The following UPP2 variants were observed in gnomAD, a reference collection of about 807,000 sequenced individuals.
UPP2 encodes the protein UPase 2.
A neutral mutation model predicts 26.7 loss-of-function variants in UPP2; 23 were observed. That is an observed-to-expected ratio of 0.86 (90% confidence interval 0.62 to 1.22). UPP2 has a LOEUF of 1.22. Among genes scored for constraint, UPP2 ranks in the 50% most tolerant of loss-of-function variants. The pLI is 0.00. For missense variants in UPP2, 387 were observed against 396.7 expected, an observed-to-expected ratio of 0.98 and a Z score of 0.21; for synonymous variants, 127 against 141.3, an observed-to-expected ratio of 0.90 and a Z score of 0.72.
intron 3 of UPP2, among the ~76,000 whole-genome samples, chr2:158,061,789 T>C (rs938320855): frequency 6.6e-6 from 1 of 152,260 alleles, no homozygotes; most frequent in Non-Finnish European, 1.5e-5. Flanking sequence ...GTCTGGCCCT[T>C]GGCCTATGTG....
chr2:158,080,798 G>T (rs1386789516), intron 3 of UPP2, among the ~76,000 whole-genome samples: 3 of 152,170 alleles, frequency 2.0e-5, no homozygotes, highest in African/African-American at 7.2e-5. Context: ...TTAAGACAAA[G>T]TAGGGGAGGA....
intron 2 of UPP2, among the ~76,000 whole-genome samples, chr2:158,011,311 G>GACTCT (rs1256556536): frequency 1.1e-4 from 16 of 152,192 alleles, no homozygotes; most frequent in Non-Finnish European, 2.2e-4. Flanking sequence ...CTGACACAGG[G>GACTCT]TTCTGAATGC....
intron 2 of UPP2, among the ~76,000 whole-genome samples, chr2:158,114,530 A>T (rs148409919): frequency 6.6e-6 from 1 of 152,374 alleles, no homozygotes; most frequent in South Asian, 2.1e-4. Context: ...TGCCACAGGG[A>T]GATCCCACAT....
chr2:158,106,582 A>G (rs985972703), intron 2 of UPP2, among the ~76,000 whole-genome samples: 36 of 152,296 alleles, frequency 2.4e-4, no homozygotes, highest in Admixed American at 7.8e-4. Flanking sequence ...TCGTTTTATT[A>G]ACTCATAAAA....
chr2:158,049,071 C>A (rs1187311479), intron 3 of UPP2, among the ~76,000 whole-genome samples: 2 of 152,142 alleles, frequency 1.3e-5, no homozygotes, highest in Non-Finnish European at 2.9e-5. Context: ...ATTCCGCTTG[C>A]CCACCCCTCA....
chr2:158,100,024 C>A (rs1220353731), upstream of UPP2, among the ~76,000 whole-genome samples: 2 of 152,192 alleles, frequency 1.3e-5, no homozygotes, highest in Non-Finnish European at 2.9e-5. Context: ...TTCCCCTGCT[C>A]TTCAGGTGAC....
chr2:158,068,644 T>G (rs1682475963), intron 3 of UPP2, among the ~76,000 whole-genome samples: 1 of 150,962 alleles, frequency 6.6e-6, no homozygotes, highest in Non-Finnish European at 1.5e-5. Context: ...CACGCTCAGA[T>G]GCTTGTGTGG....
intron 3 of UPP2, among the ~76,000 whole-genome samples, chr2:158,027,496 T>C (rs1394602731): frequency 6.6e-6 from 1 of 152,204 alleles, no homozygotes; most frequent in East Asian, 1.9e-4. Context: ...TCCACCCCTA[T>C]GGCTTTGTAG....
rs765153629 is a variant in UPP2, at chr2:158,123,817, G to C, written c.733G>C (p.Ala245Pro). 12 of 1,614,068 alleles carry C rather than the reference G, an allele frequency of 7.4e-6. No individual in the cohort carries two copies. The highest frequency in any genetic ancestry group is 1.0e-5 in the Non-Finnish European group (12 of 1,179,940). The change falls in exon 6 of 7, where the codon GCA becomes CCA. Residue 245 changes from alanine to proline, a missense_variant. Transcript: ENST00000005756. ...REKKLDYLKR[A>P]FKAGVRNIEM... is the part of the protein sequence containing the mutation. ...AAAAAAGTTAGACTACTTGAAGAGA[G>C]CATTTAAAGCTGGTGTCAGGAATAT... is the stretch of plus-strand genomic sequence containing the variant.
chr2:158,059,788 G>A (rs1682324834), intron 3 of UPP2, among the ~76,000 whole-genome samples: 1 of 152,006 alleles, frequency 6.6e-6, no homozygotes, highest in South Asian at 2.1e-4. Context: ...GAGCACTTGA[G>A]CCTTTGTCTC....
At chr2:158,062,232 C>T (rs1035537530) in intron 3 of UPP2, among the ~76,000 whole-genome samples, 1 of 152,196 alleles carries the variant, frequency 6.6e-6, no homozygotes, top group Admixed American at 6.5e-5. Flanking sequence ...TTGAGCCATA[C>T]ATAGTTATTG....
chr2:158,010,595 T>C (rs1159139501), intron 2 of UPP2, among the ~76,000 whole-genome samples: 6 of 152,058 alleles, frequency 3.9e-5, no homozygotes, highest in Non-Finnish European at 8.8e-5. Context: ...GAAGAACGGG[T>C]ATGCATGAAT....
intron 2 of UPP2, among the ~76,000 whole-genome samples, chr2:158,011,844 G>C (rs1683584261): frequency 6.6e-6 from 1 of 152,174 alleles, no homozygotes; most frequent in South Asian, 2.1e-4. Flanking sequence ...GAAGATCCTA[G>C]GGTAGGTGTA....
chr2:158,130,189 A>AACACTGCATT (rs60866919), intron 6 of UPP2, among the ~76,000 whole-genome samples: 4,710 of 152,194 alleles, frequency 0.031, 123 homozygotes, highest in East Asian at 0.14. Flanking sequence ...TGTAAACAAA[A>AACACTGCATT]ACACTGCATT....
rs1345249527 is a variant in UPP2 at position 158,030,113 on chromosome 2, A to T, written c.147+14227A>T. ...CAGACATCATCTCACACGATTTCAA[A>T]AAGTGCTGTATGTCAAACAATGTGC... On this transcript the variant is annotated intron_variant, in intron 3 of 9. Coordinates refer to the UPP2 transcript ENST00000605860. 2.6e-5 allele frequency among the ~76,000 whole-genome samples: 4 copies of T among 152,342 alleles called. No individual in the cohort carries two copies. In the South Asian group the frequency reaches 8.3e-4, roughly 32 times the overall value.
chr2:158,061,540 T>A (rs2105179199), intron 3 of UPP2, among the ~76,000 whole-genome samples: 1 of 152,350 alleles, frequency 6.6e-6, no homozygotes, highest in East Asian at 1.9e-4. Context: ...TTTCTTTAAA[T>A]AATAGATTTA....
intron 3 of UPP2, among the ~76,000 whole-genome samples, chr2:158,028,457 C>T (rs527603703): frequency 1.3e-5 from 2 of 152,190 alleles, no homozygotes; most frequent in Non-Finnish European, 2.9e-5. Flanking sequence ...CAGCCTGGAC[C>T]TTATTGTCCA....
At chr2:158,033,536 A>T (rs1574255244) in intron 3 of UPP2, among the ~76,000 whole-genome samples, 1 of 151,734 alleles carries the variant, frequency 6.6e-6, no homozygotes, top group Non-Finnish European at 1.5e-5. Flanking sequence ...GCCAGTGAGT[A>T]CTCCTCCTCT....
At chr2:158,038,452 T>A (rs1490674566) in intron 3 of UPP2, among the ~76,000 whole-genome samples, 3 of 152,240 alleles carry the variant, frequency 2.0e-5, no homozygotes, top group Non-Finnish European at 2.9e-5. Flanking sequence ...TTGTAGCACA[T>A]GTTTGCTAGT....
Sources: allele counts gnomAD v4.1 joint callset (sites outside exome capture counted in the v4.1 genomes callset), GRCh38; gene constraint gnomAD v4.1.1; transcripts MANE v1.5; gene names NCBI Gene and HGNC (gene_info 2026-07-23, HGNC 2026-07-21).